Variants in DCDC2C observed in about 807,000 individuals in gnomAD.
DCDC2C encodes the protein doublecortin domain-containing protein 2C.
Under a neutral mutation model 45.0 loss-of-function variants are expected in DCDC2C, and 44 were observed. That is an observed-to-expected ratio of 0.98 (90% CI 0.77 to 1.26). DCDC2C has a LOEUF of 1.26. DCDC2C is among the 50% of genes most tolerant of loss of function. The pLI, the probability that DCDC2C is intolerant of heterozygous loss-of-function variation, is 0.00. For missense variants in DCDC2C, 447 were observed against 468.9 expected, an observed-to-expected ratio of 0.95 and a Z score of 0.43; for synonymous variants, 187 against 178.8, an observed-to-expected ratio of 1.05 and a Z score of -0.37.
In DCDC2C at chr2:3,767,825, T is replaced by C; in HGVS notation, c.798T>C (p.Tyr266=). 1.3e-6 allele frequency: 2 copies of C among 1,544,312 alleles called. No individual in the cohort carries two copies. Among genetic ancestry groups the C allele is most frequent in the Non-Finnish European group, 1.7e-6 (2 of 1,145,410 alleles). Reference sequence around the variant, plus strand: ...CTAAAACACAGGATTCTGTTTATTATGCCAAAGAAGAAAAGAAGAAAACAT... The same window carrying C: ...CTAAAACACAGGATTCTGTTTATTACGCCAAAGAAGAAAAGAAGAAAACAT... ...IPPKTQDSVY[Y]AKEEKKKTLA... The change falls in exon 7 of 11, where the codon TAT becomes TAC. Residue 266 remains tyrosine (Y), a synonymous_variant. Coordinates refer to ENST00000399143, the MANE Select transcript of DCDC2C (RefSeq NM_001287444.2).
intron 10 of DCDC2C, among the ~76,000 whole-genome samples, chr2:3,811,545 T>G (rs1365972006): frequency 6.6e-6 from 1 of 152,232 alleles, no homozygotes; most frequent in Non-Finnish European, 1.5e-5. Context: ...TTTGACTTCC[T>G]CTTTTCCTAT....
chr2:3,832,568 G>A (rs151273488), intron 10 of DCDC2C, among the ~76,000 whole-genome samples: 3 of 152,318 alleles, frequency 2.0e-5, no homozygotes, highest in African/African-American at 4.8e-5. Context: ...TCAAAGCTTC[G>A]TTTCCATTAG....
chr2:3,839,233 G>A (rs1672152617), intron 10 of DCDC2C, among the ~76,000 whole-genome samples: 1 of 152,152 alleles, frequency 6.6e-6, no homozygotes, highest in Middle Eastern at 3.4e-3. Context: ...CAGTTGCCTA[G>A]GTAATAGTTA....
intron 10 of DCDC2C, among the ~76,000 whole-genome samples, chr2:3,810,620 A>G (rs1179392390): frequency 2.0e-5 from 3 of 152,136 alleles, no homozygotes; most frequent in African/African-American, 7.2e-5. Flanking sequence ...TTTTGTTTCA[A>G]TTGCTTTTGG....
chr2:3,794,449 T>A (rs1384011598), intron 10 of DCDC2C, among the ~76,000 whole-genome samples: 2 of 152,224 alleles, frequency 1.3e-5, no homozygotes, highest in Non-Finnish European at 2.9e-5. Context: ...TGTGCCATGC[T>A]GGTGCGCTGC....
chr2:3,828,427 T>C lies in DCDC2C; in HGVS notation c.1066-18727T>C, dbSNP rs115482999. 9.1e-3 allele frequency among the ~76,000 whole-genome samples: 1,381 copies of C among 152,218 alleles called. 21 individuals carry two copies. Among genetic ancestry groups the C allele is most frequent in the African/African-American group, 0.032 (1,327 of 41,528 alleles). On this transcript the variant is annotated intron_variant, in intron 10 of 10. Coordinates refer to ENST00000399143, the MANE Select transcript of DCDC2C (RefSeq NM_001287444.2). ...GTCAGCTCTGGGCAGCCTGGGGAGG[T>C]GACAGTGAGTTATTTTATAAGCTCA... is the stretch of plus-strand genomic sequence containing the variant.
At chr2:3,716,298 C>T (rs1203833398) in intron 2 of DCDC2C, among the ~76,000 whole-genome samples, 1 of 152,076 alleles carries the variant, frequency 6.6e-6, no homozygotes, top group Non-Finnish European at 1.5e-5. Flanking sequence ...GGAGAAAGTC[C>T]AGGTGAGTGC....
chr2:3,761,836 C>G lies in DCDC2C; in HGVS notation c.727-5918C>G, dbSNP rs964606242. ...CCCTGGGAGGCTGCCTTTTGTGTGCCTGAGCTAGACAATCTCTTATAATAG... is the reference window on the plus strand; with the variant it reads ...CCCTGGGAGGCTGCCTTTTGTGTGCGTGAGCTAGACAATCTCTTATAATAG... On this transcript the variant is annotated intron_variant, in intron 6 of 10. Coordinates refer to ENST00000399143, the MANE Select transcript of DCDC2C (RefSeq NM_001287444.2). This position sits in a 1 kb window ranked among gnomAD's most constrained non-coding sequence, Gnocchi z 4.3. Among the ~76,000 whole-genome samples the G allele has an allele frequency of 2.0e-5, 3 of 152,184 alleles. No individual in the cohort carries two copies. The highest frequency in any genetic ancestry group is 6.5e-5 in the Admixed American group (1 of 15,276).
chr2:3,769,446 C>T (rs1006792553), intron 8 of DCDC2C, 35 bp downstream of exon 8: 5 of 1,526,514 alleles, frequency 3.3e-6, no homozygotes, highest in Admixed American at 2.0e-5. Context: ...ATGCCGTCTT[C>T]ACTCCATTCC....
intron 10 of DCDC2C, among the ~76,000 whole-genome samples, chr2:3,811,639 G>A (rs537306890): frequency 6.6e-5 from 10 of 152,280 alleles, no homozygotes; most frequent in South Asian, 4.1e-4. Flanking sequence ...GGTGAGGGAG[G>A]GCACCCTTGG....
chr2:3,798,103 T>C (rs1236388807), intron 10 of DCDC2C, among the ~76,000 whole-genome samples: 3 of 152,038 alleles, frequency 2.0e-5, no homozygotes. Context: ...CTTGTTGAAT[T>C]GATCCCTTTA....
intron 6 of DCDC2C, among the ~76,000 whole-genome samples, chr2:3,757,607 C>A (rs115262388): frequency 6.6e-6 from 1 of 152,118 alleles, no homozygotes; most frequent in South Asian, 2.1e-4. Context: ...TCCATGAGGC[C>A]GTGGTGAGGT....
chr2:3,839,452 C>T (rs1672156083), intron 10 of DCDC2C, among the ~76,000 whole-genome samples: 1 of 152,124 alleles, frequency 6.6e-6, no homozygotes, highest in South Asian at 2.1e-4. Context: ...ACGGTACTTA[C>T]ATAATATTCA....
chr2:3,780,793 T>G (rs1670489217), intron 9 of DCDC2C, among the ~76,000 whole-genome samples: 1 of 152,194 alleles, frequency 6.6e-6, no homozygotes, highest in South Asian at 2.1e-4. Flanking sequence ...ATGGGGAGTT[T>G]AGGTAGCTTG....
At chr2:3,774,115 A>T (rs1404799682) in intron 8 of DCDC2C, among the ~76,000 whole-genome samples, 1 of 152,266 alleles carries the variant, frequency 6.6e-6, no homozygotes, top group Non-Finnish European at 1.5e-5. Flanking sequence ...GAGAAGGTCA[A>T]TCTAAACTTG....
Position 3,795,191 on chromosome 2 carries a change from C to T in DCDC2C, c.1065+10091C>T, listed in dbSNP as rs549416110. ...TTGAGAAGTGTCTGTTTATGTCCTT[C>T]GCCCACTTTTTGATGGGGTTGTTTG... On this transcript the variant is annotated intron_variant, in intron 10 of 10. Transcript: ENST00000399143. Among the ~76,000 whole-genome samples the T allele has an allele frequency of 9.9e-4, 151 of 151,918 alleles. 1 individual carries two copies. The South Asian group carries it at 0.02, about 20-fold the overall frequency.
Position 3,778,839 on chromosome 2 carries a change from A to G in DCDC2C, c.978A>G (p.Glu326=). 6.4e-7 allele frequency: 1 copy of G among 1,551,168 alleles called. No homozygotes were observed. Among genetic ancestry groups the G allele is most frequent in the South Asian group, 1.2e-5 (1 of 84,064 alleles). ...AGAGACAAGCTGAGATAGTTAAAGA[A>G]GATGAAGAGATACATGAGAACACCC... ...VDQRQAEIVK[E]DEEIHENTPD... is the part of the protein sequence containing the mutation. The change falls in exon 9 of 11, where the codon GAA becomes GAG. Residue 326 remains glutamate, a synonymous_variant. Coordinates refer to ENST00000399143, the MANE Select transcript of DCDC2C (RefSeq NM_001287444.2).
At chr2:3,833,555 G>T (rs1014574306) in intron 10 of DCDC2C, among the ~76,000 whole-genome samples, 1 of 152,128 alleles carries the variant, frequency 6.6e-6, no homozygotes, top group African/African-American at 2.4e-5. Flanking sequence ...CAAAATATTG[G>T]CTCACCTTTT....
At position 3,726,981 on chromosome 2, in the gene DCDC2C, GGT is replaced by G. The variant is rs573084054; in HGVS notation, c.340-17_340-16del. ...TTGGCTAATTTGAACTGAATTCCCA[GGT>G]GTGTTTTTTCCTTTTTCAGATCAAA... On this transcript the variant is annotated intron_variant, in intron 2 of 10. Transcript: ENST00000399143. 2,505 of 1,548,294 alleles carry G rather than the reference GGT, an allele frequency of 1.6e-3. 5 individuals are homozygous for G. The highest frequency in any genetic ancestry group is 2.1e-3 in the Non-Finnish European group (2,406 of 1,145,178).
Sources: gnomAD v4.1 joint callset for allele counts (sites outside exome capture counted in the v4.1 genomes callset) on GRCh38, gnomAD v4.1.1 for gene constraint, Gnocchi (gnomAD v3.1) non-coding constraint, MANE v1.5 for transcripts, NCBI Gene and HGNC (gene_info 2026-07-23, HGNC 2026-07-21) for gene names.